Variants in SLC8A3 observed in about 807,000 individuals in gnomAD.
SLC8A3 encodes the protein sodium/calcium exchanger 3.
A neutral mutation model predicts 65.4 loss-of-function variants in SLC8A3; 37 were observed. The observed-to-expected ratio is 0.57, with a 90% confidence interval of 0.44 to 0.74. SLC8A3 has a LOEUF of 0.74. Among genes scored for constraint, SLC8A3 ranks in the 30% least tolerant of loss-of-function variants. The probability of loss-of-function intolerance (pLI) is 0.00; values close to 1 mark genes in which losing one functional copy is unlikely to be tolerated. For missense variants in SLC8A3, 1,112 were observed against 1,172.1 expected, an observed-to-expected ratio of 0.95 and a Z score of 0.75; for synonymous variants, 461 against 444.5, an observed-to-expected ratio of 1.04 and a Z score of -0.47.
At chr14:70,184,973 T>C (rs141566572) in intron 1 of SLC8A3, among the ~76,000 whole-genome samples, 24,936 of 147,940 alleles carry the variant, frequency 0.17, 2,324 homozygotes, top group Admixed American at 0.25. Context: ...TTTCTTTTTT[T>C]TTTTTTTTTT....
intron 1 of SLC8A3, among the ~76,000 whole-genome samples, chr14:70,170,415 C>A (rs1897452606): frequency 6.6e-6 from 1 of 152,152 alleles, no homozygotes; most frequent in African/African-American, 2.4e-5. Context: ...CTTAATAATG[C>A]TTTAGATCTC....
chr14:70,087,293 G>A (rs1036014473), intron 2 of SLC8A3, among the ~76,000 whole-genome samples: 1 of 152,196 alleles, frequency 6.6e-6, no homozygotes, highest in African/African-American at 2.4e-5. Context: ...GACAGATGGC[G>A]CTCTGGAGGA....
At chr14:70,060,962 AGT>A (rs1566744247) in intron 2 of SLC8A3, 23 bp from the exon 3 acceptor site, 1 of 1,129,816 alleles carries the variant, frequency 8.9e-7, no homozygotes, top group Non-Finnish European at 1.3e-6. Context: ...CAAGAGAGAG[AGT>A]GTGTCGACTG....
At chr14:70,099,173 C>CAT (rs1279414791) in intron 2 of SLC8A3, among the ~76,000 whole-genome samples, 8 of 152,160 alleles carry the variant, frequency 5.3e-5, no homozygotes, top group African/African-American at 1.9e-4. Context: ...AAGGAGGGTA[C>CAT]ATACTGGTTA....
At chr14:70,063,587 C>T (rs1889062355) in intron 2 of SLC8A3, among the ~76,000 whole-genome samples, 3 of 152,162 alleles carry the variant, frequency 2.0e-5, no homozygotes, top group Admixed American at 6.5e-5. Flanking sequence ...TTGAGCATCC[C>T]TCGTATGGAT....
At chr14:70,081,194 T>A (rs115581228) in intron 2 of SLC8A3, among the ~76,000 whole-genome samples, 3,298 of 152,114 alleles carry the variant, frequency 0.022, 120 homozygotes, top group African/African-American at 0.076. Context: ...GAAGAGAGGG[T>A]CCTAGGCAGC....
chr14:70,131,509 G>A (rs2140233256), intron 2 of SLC8A3, among the ~76,000 whole-genome samples: 1 of 152,334 alleles, frequency 6.6e-6, no homozygotes, highest in Non-Finnish European at 1.5e-5. Context: ...CTCAAATGGA[G>A]CTGGAGGAGG....
chr14:70,142,801 G>A (rs1566807930), intron 2 of SLC8A3, among the ~76,000 whole-genome samples: 1 of 152,078 alleles, frequency 6.6e-6, no homozygotes, highest in Non-Finnish European at 1.5e-5. Flanking sequence ...AGAGGGCAAG[G>A]TTCTGTCGTA....
chr14:70,154,920 C>CT (rs60863511), intron 2 of SLC8A3, among the ~76,000 whole-genome samples: 41,379 of 128,866 alleles, frequency 0.32, 7,151 homozygotes, highest in East Asian at 0.41. Context: ...ATTTATCATT[C>CT]TTTTTTTTTT....
chr14:70,091,978 A>G (rs555134250), intron 2 of SLC8A3, among the ~76,000 whole-genome samples: 26 of 152,260 alleles, frequency 1.7e-4, no homozygotes, highest in African/African-American at 5.5e-4. Flanking sequence ...TCAAGCCAAC[A>G]TTTCTCACCA....
At chr14:70,082,712 C>T (rs1891141278) in intron 2 of SLC8A3, among the ~76,000 whole-genome samples, 1 of 152,178 alleles carries the variant, frequency 6.6e-6, no homozygotes, top group African/African-American at 2.4e-5. Context: ...TCTGTTTCTC[C>T]AATGCTTGGC....
At chr14:70,118,104 C>T (rs1893783684) in intron 2 of SLC8A3, among the ~76,000 whole-genome samples, 5 of 152,172 alleles carry the variant, frequency 3.3e-5, no homozygotes, top group Admixed American at 3.3e-4. Flanking sequence ...CTTACCACAC[C>T]TGATTAAAAT....
chr14:70,102,301 A>T (rs1892598595), intron 2 of SLC8A3, among the ~76,000 whole-genome samples: 1 of 152,254 alleles, frequency 6.6e-6, no homozygotes, highest in Admixed American at 6.5e-5. Flanking sequence ...ACTGTAACAA[A>T]GAATAAGATC....
chr14:70,057,047 G>T (rs1024019204), intron 3 of SLC8A3, among the ~76,000 whole-genome samples: 10 of 152,186 alleles, frequency 6.6e-5, no homozygotes, highest in South Asian at 6.2e-4. Context: ...TGTGTGTTGT[G>T]GGGGAACCAG....
intron 3 of SLC8A3, chr14:70,060,300 A>G: frequency 4.5e-6 from 1 of 222,876 alleles, no homozygotes; most frequent in Non-Finnish European, 8.9e-6. Flanking sequence ...ATTGCAACCC[A>G]GGCCCCAACC....
In SLC8A3 at chr14:70,143,800, C is replaced by G. The variant is rs74063892; in HGVS notation, c.1784+22839G>C. ...AGAATCCCATACCCCTCTCTTCCCC[C>G]CAGAGAACCAGCAGCTCTATTCCCC... On this transcript the variant is annotated intron_variant, in intron 2 of 6. Transcript: ENST00000356921. 7.0e-3 allele frequency among the ~76,000 whole-genome samples: 1,061 copies of G among 152,232 alleles called. 18 individuals carry two copies. Among genetic ancestry groups the G allele is most frequent in the African/African-American group, 0.024 (976 of 41,532 alleles).
intron 2 of SLC8A3, among the ~76,000 whole-genome samples, chr14:70,114,497 T>A (rs533781957): frequency 1.3e-5 from 2 of 152,338 alleles, no homozygotes; most frequent in Admixed American, 1.3e-4. Flanking sequence ...TCTGATTTAA[T>A]TGGCATTGTC....
At chr14:70,098,680 C>T (rs189041747) in intron 2 of SLC8A3, among the ~76,000 whole-genome samples, 25 of 152,296 alleles carry the variant, frequency 1.6e-4, no homozygotes, top group Middle Eastern at 3.4e-3. Flanking sequence ...AAAGCCACAC[C>T]GTGTGAGCTC....
chr14:70,072,113 A>G (rs748479508), intron 2 of SLC8A3, among the ~76,000 whole-genome samples: 39 of 152,166 alleles, frequency 2.6e-4, no homozygotes, highest in Admixed American at 2.0e-4. Context: ...ATGTTTATGG[A>G]TGTAGACCCA....
Sources: gnomAD v4.1 joint callset for allele counts (sites outside exome capture counted in the v4.1 genomes callset) on GRCh38, gnomAD v4.1.1 for gene constraint, MANE v1.5 for transcripts, NCBI Gene and HGNC (gene_info 2026-07-23, HGNC 2026-07-21) for gene names.